The following KIRREL3 variants were observed in gnomAD, a reference collection of about 807,000 sequenced individuals.
The protein encoded by KIRREL3 is kin of IRRE-like protein 3.
KIRREL3 carries 36 observed loss-of-function variants against 89.7 expected under a neutral mutation model. The ratio of observed to expected loss-of-function variants is 0.40; its 90% CI spans 0.31 to 0.53. KIRREL3 has a LOEUF of 0.53. Among genes scored for constraint, KIRREL3 ranks in the 20% least tolerant of loss-of-function variants. The pLI is 0.49. For missense variants in KIRREL3, 864 were observed against 1,056.6 expected, an observed-to-expected ratio of 0.82 and a Z score of 2.53; for synonymous variants, 445 against 441.4, an observed-to-expected ratio of 1.01 and a Z score of -0.10.
intron 1 of KIRREL3, among the ~76,000 whole-genome samples, chr11:126,626,152 G>A (rs1287121828): frequency 2.0e-5 from 3 of 152,192 alleles, no homozygotes; most frequent in African/African-American, 7.2e-5. Context: ...TATAGTCCTG[G>A]GTCTAGGAGG....
At chr11:126,894,533 ACCT>A (rs1299932386) in intron 1 of KIRREL3, among the ~76,000 whole-genome samples, 1 of 112,892 alleles carries the variant, frequency 8.9e-6, no homozygotes, top group Non-Finnish European at 1.8e-5. Flanking sequence ...ACATAATGAG[ACCT>A]CATCTCAAAA....
intron 10 of KIRREL3, chr11:126,440,925 A>AG: frequency 3.5e-6 from 1 of 283,766 alleles, no homozygotes; most frequent in Non-Finnish European, 6.8e-6. Context: ...AAGCCTGCAG[A>AG]GGGGGTGGGG....
intron 15 of KIRREL3, among the ~76,000 whole-genome samples, chr11:126,426,731 G>A (rs1954952234): frequency 6.6e-6 from 1 of 152,122 alleles, no homozygotes; most frequent in Non-Finnish European, 1.5e-5. Context: ...TCTCTGGGCC[G>A]GGATGTTTCT....
In KIRREL3 at chr11:126,521,674, G is replaced by C. The variant is rs1784234; in HGVS notation, c.284-210C>G. On this transcript the variant is annotated intron_variant, in intron 3 of 16. Coordinates refer to ENST00000525144, the MANE Select transcript of KIRREL3 (RefSeq NM_032531.4). This position sits in a 1 kb window ranked among gnomAD's most constrained non-coding sequence, Gnocchi z 4.1. ...GTGTTGGTTCTCTCTCTCTCTCTCT[G>C]TATGTGTGTGTGTGTGTGTGTGTGT... Among the ~76,000 whole-genome samples the C allele has an allele frequency of 3.1e-5, 1 of 32,128 alleles. No individual in the cohort carries two copies. Among genetic ancestry groups the C allele is most frequent in the East Asian group, 3.7e-4 (1 of 2,676 alleles). The allele number at this position is 32,128 out of a possible 152,430, so 21.1% of individuals were successfully genotyped here.
At chr11:126,585,011 C>T (rs1177095033) in intron 1 of KIRREL3, among the ~76,000 whole-genome samples, 2 of 151,916 alleles carry the variant, frequency 1.3e-5, no homozygotes, top group Admixed American at 1.3e-4. Flanking sequence ...CTCCGCCTCC[C>T]GGGTTTACGC....
chr11:126,821,088 T>C (rs759686656), intron 1 of KIRREL3, among the ~76,000 whole-genome samples: 1 of 152,062 alleles, frequency 6.6e-6, no homozygotes, highest in East Asian at 1.9e-4. Flanking sequence ...GGCTTCACTA[T>C]GAATGGAGTC....
At chr11:126,573,646 G>T (rs1307194534) in intron 1 of KIRREL3, among the ~76,000 whole-genome samples, 1 of 152,138 alleles carries the variant, frequency 6.6e-6, no homozygotes, top group Non-Finnish European at 1.5e-5. Flanking sequence ...TCTCAGCACG[G>T]CAGCAATTCA....
intron 4 of KIRREL3, among the ~76,000 whole-genome samples, chr11:126,487,527 G>A (rs1310992912): frequency 6.6e-6 from 1 of 152,192 alleles, no homozygotes; most frequent in African/African-American, 2.4e-5. Context: ...AAATTTACCA[G>A]ATCCACTGTT....
rs888224705 is a variant in KIRREL3 at position 126,734,501 on chromosome 11, G to A, written c.56-171589C>T. ...CAACATGGAGAAACCCTGTCTCTAC[G>A]AAAAATACAAAATCAGCTGGGCATG... On this transcript the variant is annotated intron_variant, in intron 1 of 16. Transcript: ENST00000525144. The surrounding 1 kb of genome is among the most constrained non-coding windows in gnomAD (Gnocchi z 5.9). Among the ~76,000 whole-genome samples, 2 of 151,892 alleles carry A rather than the reference G, an allele frequency of 1.3e-5. No individual in the cohort carries two copies. The highest frequency in any genetic ancestry group is 2.1e-4 in the South Asian group (1 of 4,800).
rs1217463025 is a variant in KIRREL3 at position 126,778,601 on chromosome 11, G to T, written c.56-215689C>A. Among the ~76,000 whole-genome samples the T allele has an allele frequency of 6.6e-6, 1 of 152,106 alleles. No individual in the cohort carries two copies. Among genetic ancestry groups the T allele is most frequent in the African/African-American group, 2.4e-5 (1 of 41,412 alleles). On this transcript the variant is annotated intron_variant, in intron 1 of 16. Transcript: ENST00000525144. This position sits in a 1 kb window ranked among gnomAD's most constrained non-coding sequence, Gnocchi z 4.5. ...CACATCCCAGATTTTTCCTTCGTTT[G>T]AATTTCTAGAATAGAAACTGCTAGA...
intron 1 of KIRREL3, among the ~76,000 whole-genome samples, chr11:126,789,721 C>T (rs1950581879): frequency 2.0e-5 from 3 of 152,172 alleles, no homozygotes; most frequent in Admixed American, 6.5e-5. Context: ...CATTTCTCTT[C>T]AATATGGAGA....
At chr11:126,554,160 A>T (rs970786646) in intron 2 of KIRREL3, among the ~76,000 whole-genome samples, 13 of 152,138 alleles carry the variant, frequency 8.5e-5, no homozygotes, top group African/African-American at 2.4e-4. Context: ...CATTTTATGT[A>T]CTCTTCTGGG....
At chr11:126,567,026 A>C (rs534111801) in intron 1 of KIRREL3, among the ~76,000 whole-genome samples, 1 of 152,282 alleles carries the variant, frequency 6.6e-6, no homozygotes, top group South Asian at 2.1e-4. Context: ...GCAGAGCTGC[A>C]GATGCTGCAA....
At chr11:126,939,562 G>A (rs1948348547) in intron 1 of KIRREL3, among the ~76,000 whole-genome samples, 1 of 152,170 alleles carries the variant, frequency 6.6e-6, no homozygotes. Flanking sequence ...CCAGGAGAAA[G>A]GCTGCTCCTC....
chr11:126,971,530 C>A (rs1949424717), intron 1 of KIRREL3, among the ~76,000 whole-genome samples: 1 of 152,002 alleles, frequency 6.6e-6, no homozygotes, highest in Non-Finnish European at 1.5e-5. Context: ...AGTTCGGCAC[C>A]CATAAAAATA....
Position 126,471,203 on chromosome 11 carries a change from C to CA in KIRREL3, c.591+2105dup, listed in dbSNP as rs1445005627. Among the ~76,000 whole-genome samples, 3 of 150,932 alleles carry CA rather than the reference C, an allele frequency of 2.0e-5. No individual in the cohort carries two copies. The highest frequency in any genetic ancestry group is 7.3e-5 in the African/African-American group (3 of 41,100). On this transcript the variant is annotated intron_variant, in intron 5 of 16. Transcript: ENST00000525144. This position sits in a 1 kb window ranked among gnomAD's most constrained non-coding sequence, Gnocchi z 5.4. ...AGTAACCCCGTCTCTTTTAAAAATA[C>CA]AAAAAAAGAAAAAAAAATTAGCTGG...
intron 1 of KIRREL3, among the ~76,000 whole-genome samples, chr11:126,854,688 G>A (rs535458406): frequency 5.3e-5 from 8 of 152,324 alleles, no homozygotes; most frequent in African/African-American, 1.9e-4. Flanking sequence ...GAACACGGAT[G>A]TACGAACATC....
rs143887851 is a variant in KIRREL3 at position 126,439,341 on chromosome 11, A to T, written c.1353+1108T>A. Among the ~76,000 whole-genome samples the T allele has an allele frequency of 1.5e-3, 230 of 151,418 alleles. 3 individuals carry two copies. Among genetic ancestry groups the T allele is most frequent in the Middle Eastern group, 6.8e-3 (2 of 294 alleles). ...AGAGACTCTGTCTCAAAAAAGAAAG[A>T]GGGAAAAAAAGACTCTGCCCTCACC... On this transcript the variant is annotated intron_variant, in intron 11 of 16. Coordinates refer to ENST00000525144, the MANE Select transcript of KIRREL3 (RefSeq NM_032531.4).
intron 4 of KIRREL3, among the ~76,000 whole-genome samples, chr11:126,478,437 G>T (rs1371543345): frequency 1.3e-5 from 2 of 152,182 alleles, no homozygotes; most frequent in Non-Finnish European, 2.9e-5. Flanking sequence ...ATCTCAGAAG[G>T]GGAGTGGGGA....
Sources: allele counts gnomAD v4.1 joint callset (sites outside exome capture counted in the v4.1 genomes callset), GRCh38; gene constraint gnomAD v4.1.1; non-coding constraint Gnocchi (gnomAD v3.1); transcripts MANE v1.5; gene names NCBI Gene and HGNC (gene_info 2026-07-23, HGNC 2026-07-21).